Variants in HDAC8 observed in about 807,000 individuals in gnomAD.
HDAC8 encodes histone deacetylase 8.
HDAC8 carries 1 observed loss-of-function variant against 32.2 expected under a neutral mutation model. The ratio of observed to expected loss-of-function variants is 0.03; its 90% CI spans 0.01 to 0.15. The LOEUF is 0.15. HDAC8 is among the 10% of genes least tolerant of loss of function. The pLI, the probability that HDAC8 is intolerant of heterozygous loss-of-function variation, is 1.00. For missense variants in HDAC8, 117 were observed against 300.0 expected (o/e 0.39, Z 4.51); for synonymous variants, 108 against 113.9 (o/e 0.95, Z 0.33).
chrX:72,521,795 T>C (rs1393954053), intron 4 of HDAC8, among the ~76,000 whole-genome samples: 1 of 111,377 alleles, frequency 9.0e-6, no homozygotes, highest in Non-Finnish European at 1.9e-5. Context: ...ACTGTAAATA[T>C]GGCAGTAATC....
At chrX:72,562,811 T>A (rs1208521736) in intron 4 of HDAC8, among the ~76,000 whole-genome samples, 1 of 110,943 alleles carries the variant, frequency 9.0e-6, no homozygotes, top group Non-Finnish European at 1.9e-5. Context: ...TTCCCACCAG[T>A]CTTTTTTTCT....
chrX:72,378,489 T>C (rs2045159072), intron 9 of HDAC8, among the ~76,000 whole-genome samples: 1 of 112,105 alleles, frequency 8.9e-6, no homozygotes, highest in Non-Finnish European at 1.9e-5. Context: ...TTGAACTTCC[T>C]AGCTTCCAGA....
chrX:72,501,430 C>T (rs1556016115), intron 4 of HDAC8, among the ~76,000 whole-genome samples: 1 of 111,318 alleles, frequency 9.0e-6, no homozygotes, highest in East Asian at 2.8e-4. Context: ...GATACATAGA[C>T]CAATGGAACA....
chrX:72,564,907 G>T (rs782168385), intron 4 of HDAC8, among the ~76,000 whole-genome samples: 2 of 111,792 alleles, frequency 1.8e-5, no homozygotes, highest in African/African-American at 6.5e-5. Context: ...GCAATTATTT[G>T]CTGTCTTACT....
chrX:72,385,506 GA>G (rs2045400971), intron 9 of HDAC8, among the ~76,000 whole-genome samples: 1 of 110,342 alleles, frequency 9.1e-6, no homozygotes, highest in South Asian at 3.8e-4. Context: ...AAAAAACTTG[GA>G]AAATAAAAAA....
At chrX:72,490,860 T>C in intron 6 of HDAC8, 69 bp downstream of exon 6, 1 of 862,850 alleles carries the variant, frequency 1.2e-6, no homozygotes. Flanking sequence ...ACTGTCCAAG[T>C]ATAAGAAATG....
intron 9 of HDAC8, among the ~76,000 whole-genome samples, chrX:72,390,987 C>T (rs1268376108): frequency 8.9e-6 from 1 of 111,946 alleles, no homozygotes; most frequent in African/African-American, 3.2e-5. Flanking sequence ...ATTTTGCTGT[C>T]AAGGCTGTTC....
intron 9 of HDAC8, among the ~76,000 whole-genome samples, chrX:72,451,397 A>T (rs1322788462): frequency 8.9e-6 from 1 of 111,767 alleles, no homozygotes; most frequent in Non-Finnish European, 1.9e-5. Context: ...GGGTTTCACC[A>T]TGTTGGCCAG....
At chrX:72,483,522 G>C (rs782334764) in intron 7 of HDAC8, among the ~76,000 whole-genome samples, 1 of 111,550 alleles carries the variant, frequency 9.0e-6, no homozygotes, top group African/African-American at 3.3e-5. Flanking sequence ...GCAGATGCTG[G>C]CACCATGCTT....
At chrX:72,474,731 T>C (rs782284719) in intron 7 of HDAC8, 5 of 1,136,328 alleles carry the variant, frequency 4.4e-6, no homozygotes, top group South Asian at 1.9e-5. Flanking sequence ...GGTTCGTACC[T>C]GAGGAGGATA....
At position 72,435,876 on chromosome X, in the gene HDAC8, G is replaced by A. The variant is rs142264182; in HGVS notation, c.1005+26128C>T. On this transcript the variant is annotated intron_variant, in intron 9 of 10. Coordinates refer to ENST00000373573, the MANE Select transcript of HDAC8 (RefSeq NM_018486.3). ...CCAGCTACTTGGGAGGCTGAAGCAC[G>A]AGAATCACTTGAACATGGGTGGTGG... 8.9e-3 allele frequency among the ~76,000 whole-genome samples: 995 copies of A among 111,653 alleles called. 7 individuals carry two copies. The highest frequency in any genetic ancestry group is 0.015 in the Admixed American group (160 of 10,582).
At chrX:72,566,578 T>C (rs2051799012) in intron 4 of HDAC8, among the ~76,000 whole-genome samples, 1 of 112,149 alleles carries the variant, frequency 8.9e-6, no homozygotes, top group Non-Finnish European at 1.9e-5. Context: ...TGTTTTATTC[T>C]GAAAAACAAA....
At chrX:72,528,250 A>G (rs1556033651) in intron 4 of HDAC8, among the ~76,000 whole-genome samples, 49 of 111,503 alleles carry the variant, frequency 4.4e-4, no homozygotes, top group Non-Finnish European at 9.4e-5. Flanking sequence ...ACCCCCTAGC[A>G]CAGTGCCAGC....
intron 9 of HDAC8, among the ~76,000 whole-genome samples, chrX:72,438,216 C>T (rs2047010793): frequency 8.9e-6 from 1 of 111,985 alleles, no homozygotes; most frequent in Non-Finnish European, 1.9e-5. Context: ...CTGGAGTGGA[C>T]CTCCAGCAAA....
intron 2 of HDAC8, among the ~76,000 whole-genome samples, chrX:72,571,417 A>G (rs2052041927): frequency 9.1e-6 from 1 of 110,487 alleles, no homozygotes; most frequent in African/African-American, 3.3e-5. Flanking sequence ...ATGTACTCAA[A>G]ATCTCCACAA....
intron 9 of HDAC8, among the ~76,000 whole-genome samples, chrX:72,416,050 G>A (rs1555971628): frequency 1.8e-5 from 2 of 111,389 alleles, no homozygotes; most frequent in African/African-American, 6.5e-5. Context: ...TTAATAAAGT[G>A]AGTTGGGAAG....
Position 72,372,283 on chromosome X carries a change from C to A in HDAC8, c.1006-20445G>T, listed in dbSNP as rs782661364. Among the ~76,000 whole-genome samples the A allele has an allele frequency of 4.5e-5, 5 of 111,394 alleles. No individual in the cohort carries two copies. In the East Asian group the frequency reaches 1.4e-3, roughly 31 times the overall value. On this transcript the variant is annotated intron_variant, in intron 9 of 10. Transcript: ENST00000373573. ...CTTCCTACCTCCACACTATTCCCTGCTTGGGTCTTCTCTGCTTCCATAGCA... is the reference window on the plus strand; with the variant it reads ...CTTCCTACCTCCACACTATTCCCTGATTGGGTCTTCTCTGCTTCCATAGCA...
At chrX:72,549,757 A>C (rs1420044677) in intron 4 of HDAC8, among the ~76,000 whole-genome samples, 1 of 111,497 alleles carries the variant, frequency 9.0e-6, no homozygotes, top group African/African-American at 3.3e-5. Flanking sequence ...TTTATATCTA[A>C]TTGGTCTTCT....
chrX:72,523,086 G>A (rs190920687), intron 4 of HDAC8, among the ~76,000 whole-genome samples: 31 of 112,045 alleles, frequency 2.8e-4, no homozygotes, highest in African/African-American at 9.4e-4. Flanking sequence ...TAAAAAATAC[G>A]TTTGTATAAT....
Sources: gnomAD v4.1 joint callset for allele counts (sites outside exome capture counted in the v4.1 genomes callset) on GRCh38, gnomAD v4.1.1 for gene constraint, MANE v1.5 for transcripts, NCBI Gene and HGNC (gene_info 2026-07-23, HGNC 2026-07-21) for gene names.